Variants in GTPBP6 observed in about 807,000 individuals in gnomAD.
GTPBP6 encodes the protein GTP binding protein 6.
A neutral mutation model predicts 28.9 loss-of-function variants in GTPBP6; 33 were observed. The ratio of observed to expected loss-of-function variants is 1.14; its 90% CI spans 0.87 to 1.53. GTPBP6 has a LOEUF of 1.53. Among genes scored for constraint, GTPBP6 ranks in the 40% most tolerant of loss-of-function variants. GTPBP6 has a pLI of 0.00. For synonymous variants in GTPBP6, 231 were observed against 192.7 expected, an observed-to-expected ratio of 1.20 and a Z score of -1.65; for missense variants, 507 against 408.3, an observed-to-expected ratio of 1.24 and a Z score of -2.08.
intron 9 of GTPBP6, among the ~76,000 whole-genome samples, chrX:306,460 T>C (rs1262366012): frequency 2.2e-5 from 3 of 139,366 alleles, no homozygotes; most frequent in East Asian, 2.1e-4. Flanking sequence ...GTATCCACAG[T>C]CAGAAATGTA....
chrX:314,565 G>T (rs1295220273), intron 4 of GTPBP6, among the ~76,000 whole-genome samples: 2 of 151,844 alleles, frequency 1.3e-5, no homozygotes, highest in African/African-American at 2.4e-5. Context: ...CTCCACCTCT[G>T]GGGTTCACGC....
rs1209114268 is a variant in GTPBP6, at chrX:315,221, T to C, written c.558+8A>G. 72,055 of 398,434 alleles carry C rather than the reference T, an allele frequency of 0.18. 6,838 individuals carry two copies. Among genetic ancestry groups the C allele is most frequent in the African/African-American group, 0.22 (10,904 of 48,690 alleles). 24.7% of individuals were successfully genotyped at this position (398,434 alleles called of 1,614,324 possible). A position where few individuals can be genotyped will look rare whatever the true frequency, so the allele number is the denominator to read the frequency against. On this transcript the variant is annotated splice_region_variant and intron_variant, in intron 3 of 9. Transcript: ENST00000326153. ...GGGACAAACACAGCAAGCCACATCC[T>C]GTGGTACCTTGGTCGGGGCAGCCAT...
exon 6 of GTPBP6, chrX:312,781 C>T: frequency 6.2e-7 from 1 of 1,612,396 alleles, no homozygotes; most frequent in Non-Finnish European, 8.5e-7. Flanking sequence ...TTGGTGTACC[C>T]CACCACGGAG....
At chrX:315,692 A>C (rs1482281462) in intron 2 of GTPBP6, among the ~76,000 whole-genome samples, 1 of 2,726 alleles carries the variant, frequency 3.7e-4, no homozygotes, top group East Asian at 0.011. Context: ...ACATACACAC[A>C]CACACACACA....
intron 9 of GTPBP6, 109 bp from the exon 10 acceptor site, chrX:305,306 A>G (rs989448625): frequency 2.4e-6 from 2 of 826,730 alleles, no homozygotes; most frequent in Non-Finnish European, 3.9e-6. Context: ...CATTCATCAG[A>G]CCGTCCTGTT....
Position 309,778 on chromosome X carries a change from C to A in GTPBP6, c.1125+1641G>T, listed in dbSNP as rs1443674171. The stretch of plus-strand genomic sequence containing the variant: ...AAGTGAACTGAACTGTGGCCCCCCA[C>A]AAAAGACCTGTCCATGTATTGATCA... On this transcript the variant is annotated intron_variant, in intron 7 of 9. Coordinates refer to ENST00000326153, the Ensembl canonical transcript of GTPBP6. 2.2e-5 allele frequency among the ~76,000 whole-genome samples: 3 copies of A among 135,228 alleles called. 1 individual carries two copies. The highest frequency in any genetic ancestry group is 4.7e-5 in the Non-Finnish European group (3 of 64,420). 88.7% of individuals were successfully genotyped at this position (135,228 alleles called of 152,430 possible). A position where few individuals can be genotyped will look rare whatever the true frequency, so the allele number is the denominator to read the frequency against.
chrX:315,011 C>G (rs1305744951), exon 4 of GTPBP6: 1 of 398,564 alleles, frequency 2.5e-6, no homozygotes, highest in East Asian at 3.6e-5. Flanking sequence ...CAGGCGGCTT[C>G]CAGTTCTTTC....
At chrX:318,792 C>T (rs1475609191) in exon 1 of GTPBP6, 4 of 305,776 alleles carry the variant, frequency 1.3e-5, no homozygotes, top group African/African-American at 2.2e-5. Context: ...CCACATGGCG[C>T]GTCTGGAGGC....
chrX:311,376 A>C (rs2070291525), intron 7 of GTPBP6, 43 bp downstream of exon 7: 1 of 1,369,250 alleles, frequency 7.3e-7, no homozygotes, highest in Non-Finnish European at 1.0e-6. Context: ...CCCCGTGCCG[A>C]ATGGGTGTCC....
intron 5 of GTPBP6, among the ~76,000 whole-genome samples, chrX:313,526 C>T (rs182355041): frequency 3.6e-4 from 55 of 151,994 alleles, no homozygotes; most frequent in African/African-American, 1.3e-3. Flanking sequence ...CCTAAAAGAT[C>T]TGTCCACATC....
intron 9 of GTPBP6, among the ~76,000 whole-genome samples, chrX:306,875 AGT>A (rs2070179594): frequency 2.0e-5 from 3 of 148,336 alleles, no homozygotes; most frequent in African/African-American, 7.7e-5. Flanking sequence ...TGTTGTATGC[AGT>A]CAGAAATGTA....
Position 311,661 on chromosome X carries a change from A to G in GTPBP6, c.917-34T>C, listed in dbSNP as rs372229457. 4.0e-5 allele frequency: 61 copies of G among 1,534,048 alleles called. No individual in the cohort carries two copies. In the African/African-American group the frequency reaches 7.1e-4, roughly 18 times the overall value. On this transcript the variant is annotated intron_variant, in intron 6 of 9. Transcript: ENST00000326153. Reference sequence around the variant, plus strand: ...GCGTGGAGGTCAGGGCGCTGCAGAGATCCCTGCGTCCCAACTCCTAGCGCC... The same window carrying G: ...GCGTGGAGGTCAGGGCGCTGCAGAGGTCCCTGCGTCCCAACTCCTAGCGCC...
exon 10 of GTPBP6, chrX:305,046 C>A: frequency 6.2e-7 from 1 of 1,609,258 alleles, no homozygotes; most frequent in Non-Finnish European, 8.5e-7. Context: ...GCGATGCCCC[C>A]ACCCCGCAGG....
At position 307,520 on chromosome X, in the gene GTPBP6, G is replaced by A; in HGVS notation, c.1275-8C>T. 6.2e-7 allele frequency: 1 copy of A among 1,610,258 alleles called. No individual in the cohort carries two copies. Among genetic ancestry groups the A allele is most frequent in the Admixed American group, 1.7e-5 (1 of 59,926 alleles). On this transcript the variant is annotated splice_polypyrimidine_tract_variant and splice_region_variant and intron_variant, in intron 8 of 9. Transcript: ENST00000326153. ...GGTTCCGTGGGGCTGTACCTGCAAG[G>A]GTGGGGATGTCACAGGCCCCGCTCA...
exon 1 of GTPBP6, chrX:318,776 C>G (rs2070486986): frequency 6.5e-6 from 2 of 308,018 alleles, no homozygotes; most frequent in South Asian, 1.4e-4. Flanking sequence ...CGGCGGCCCG[C>G]AGGGCCCACA....
At position 312,757 on chromosome X, in the gene GTPBP6, C is replaced by T. The variant is rs372031773; in HGVS notation, c.916+9G>A. ...CCGCGGAAGGCCCCTCCCCTGGGCG[C>T]GTGCTCACCGCAGTTGGTGTACCCC... On this transcript the variant is annotated intron_variant, in intron 6 of 9. Coordinates refer to ENST00000326153, the Ensembl canonical transcript of GTPBP6. 6.0e-5 allele frequency: 97 copies of T among 1,610,036 alleles called. 1 individual carries two copies. In the Admixed American group the frequency reaches 7.2e-4, roughly 12 times the overall value.
chrX:311,117 G>C (rs192837760), intron 7 of GTPBP6, among the ~76,000 whole-genome samples: 1 of 151,222 alleles, frequency 6.6e-6, no homozygotes, highest in Non-Finnish European at 1.5e-5. Flanking sequence ...CCTCTCGCCC[G>C]GGGACGTGGG....
chrX:312,698 T>G (rs1406753634), intron 6 of GTPBP6, 68 bp downstream of exon 6: 1 of 1,469,762 alleles, frequency 6.8e-7, no homozygotes, highest in East Asian at 2.4e-5. Flanking sequence ...CCCCCTGCCC[T>G]CCCCCGGGCG....
At chrX:311,771 C>A in intron 6 of GTPBP6, 144 bp from the exon 7 acceptor site, 1 of 696,496 alleles carries the variant, frequency 1.4e-6, no homozygotes, top group South Asian at 1.7e-5. Flanking sequence ...CCTCGGGCAC[C>A]CCGGGCCAGA....
Sources: gnomAD v4.1 joint callset for allele counts (sites outside exome capture counted in the v4.1 genomes callset) on GRCh38, gnomAD v4.1.1 for gene constraint, MANE v1.5 for transcripts, NCBI Gene and HGNC (gene_info 2026-07-23, HGNC 2026-07-21) for gene names.